PTPRN2: variants seen among roughly 807,000 people sequenced by gnomAD.
The protein encoded by PTPRN2 is receptor-type tyrosine-protein phosphatase N2.
In PTPRN2, 74 loss-of-function variants were observed where a neutral mutation model predicts 118.8. The observed-to-expected ratio is 0.62, with a 90% CI of 0.52 to 0.76. The LOEUF (loss-of-function observed/expected upper bound fraction) is 0.76, where lower values mean the gene tolerates loss of function less well. PTPRN2 is among the 30% of genes least tolerant of loss of function. The probability of loss-of-function intolerance (pLI) is 0.00; values close to 1 mark genes in which losing one functional copy is unlikely to be tolerated. For missense variants in PTPRN2, 1,481 were observed against 1,394.4 expected, an observed-to-expected ratio of 1.06 and a Z score of -0.99; for synonymous variants, 641 against 608.0, an observed-to-expected ratio of 1.05 and a Z score of -0.80.
chr7:158,286,664 C>T (rs1280432458), intron 3 of PTPRN2, among the ~76,000 whole-genome samples: 1 of 152,156 alleles, frequency 6.6e-6, no homozygotes, highest in Non-Finnish European at 1.5e-5. Flanking sequence ...AATAGAGTTG[C>T]ATATATTGAA....
At chr7:157,847,348 T>A (rs1439619443) in intron 12 of PTPRN2, among the ~76,000 whole-genome samples, 1 of 129,052 alleles carries the variant, frequency 7.7e-6, no homozygotes, top group Non-Finnish European at 1.6e-5. Context: ...TCATTACATC[T>A]TCTGTGCCCG....
At chr7:157,652,879 C>T (rs112104067) in intron 14 of PTPRN2, among the ~76,000 whole-genome samples, 245 of 152,338 alleles carry the variant, frequency 1.6e-3, no homozygotes, top group East Asian at 5.4e-3. Flanking sequence ...TCTGTTACTC[C>T]GGGTCTCCAG....
At chr7:157,800,634 G>T (rs548122518) in intron 12 of PTPRN2, among the ~76,000 whole-genome samples, 1 of 151,548 alleles carries the variant, frequency 6.6e-6, no homozygotes, top group Admixed American at 6.6e-5. Context: ...AAAGAAAGAG[G>T]TTCTTTGCTT....
chr7:158,403,936 T>G (rs982992300), intron 2 of PTPRN2, among the ~76,000 whole-genome samples: 5 of 152,184 alleles, frequency 3.3e-5, no homozygotes, highest in African/African-American at 1.2e-4. Context: ...AGGGTAAAAG[T>G]CACAAGAAAC....
chr7:158,167,188 G>A lies in PTPRN2; in HGVS notation c.653C>T (p.Pro218Leu), dbSNP rs762611730. 1.9e-5 allele frequency: 30 copies of A among 1,613,694 alleles called. No individual in the cohort carries two copies. The highest frequency in any genetic ancestry group is 6.7e-5 in the African/African-American group (5 of 74,912). ...TGGCTGGAGCTGGCCGAGGGTCCGCGGCAGGAGGTCCTCGCGGAGCTGGGT... is the reference window on the plus strand; with the variant it reads ...TGGCTGGAGCTGGCCGAGGGTCCGCAGCAGGAGGTCCTCGCGGAGCTGGGT... ...SRTQLREDLL[P>L]RTLGQLQPDE... The change falls in exon 6 of 23, where the codon CCG (proline) becomes CTG (leucine). Residue 218 changes from proline (P) to leucine (L), a missense_variant. Around this residue, in one of 3 missense-constraint regions of PTPRN2, gnomAD observed 1,115 missense variants for 994.2 expected, o/e 1.12. Coordinates refer to ENST00000389418, the MANE Select transcript of PTPRN2 (RefSeq NM_002847.5).
chr7:157,626,206 C>G (rs1417432553), intron 14 of PTPRN2, among the ~76,000 whole-genome samples: 1 of 152,176 alleles, frequency 6.6e-6, no homozygotes, highest in African/African-American at 2.4e-5. Flanking sequence ...ATCTTCTTAC[C>G]ATCGCTTCCC....
At chr7:158,077,543 A>G (rs1812467672) in intron 11 of PTPRN2, among the ~76,000 whole-genome samples, 2 of 26,544 alleles carry the variant, frequency 7.5e-5, no homozygotes, top group African/African-American at 2.3e-4. Flanking sequence ...GGGTCAGCAC[A>G]GGAGCCCCCT....
chr7:158,197,988 T>C (rs1826342850), intron 4 of PTPRN2, among the ~76,000 whole-genome samples: 1 of 152,232 alleles, frequency 6.6e-6, no homozygotes, highest in Non-Finnish European at 1.5e-5. Flanking sequence ...ACCAAGGCTT[T>C]TGCAGTTCTT....
chr7:158,390,524 C>T (rs957523318), intron 2 of PTPRN2, among the ~76,000 whole-genome samples: 3 of 152,190 alleles, frequency 2.0e-5, no homozygotes, highest in South Asian at 4.1e-4. Context: ...TCTCCAGCCT[C>T]GCAGTAGGAC....
chr7:158,249,951 A>G (rs1005103916), intron 3 of PTPRN2, among the ~76,000 whole-genome samples: 2 of 152,110 alleles, frequency 1.3e-5, no homozygotes, highest in African/African-American at 4.8e-5. Context: ...AAGTGAGAGA[A>G]CACGTGTTGG....
At chr7:157,652,140 A>G (rs1805704568) in intron 14 of PTPRN2, among the ~76,000 whole-genome samples, 1 of 152,256 alleles carries the variant, frequency 6.6e-6, no homozygotes, top group Admixed American at 6.5e-5. Flanking sequence ...GCAAAGCAAC[A>G]CAAAAACCAG....
chr7:157,749,723 A>G (rs879419553), intron 12 of PTPRN2, among the ~76,000 whole-genome samples: 7,185 of 30,598 alleles, frequency 0.23, no homozygotes, highest in Middle Eastern at 0.35. Context: ...CTGAGCTGTG[A>G]GCTGCCCGGG....
At chr7:158,379,601 A>T (rs555370405) in intron 2 of PTPRN2, among the ~76,000 whole-genome samples, 1 of 151,854 alleles carries the variant, frequency 6.6e-6, no homozygotes, top group South Asian at 2.1e-4. Flanking sequence ...TAGCACAGAC[A>T]AAGATGGAGA....
intron 5 of PTPRN2, among the ~76,000 whole-genome samples, chr7:158,169,912 G>A (rs572597343): frequency 1.7e-4 from 26 of 150,284 alleles, no homozygotes; most frequent in Admixed American, 9.3e-4. Context: ...GGCTGGTCTC[G>A]AACTCCTGAC....
chr7:158,192,590 G>A, intron 4 of PTPRN2, 95 bp from the exon 5 acceptor site: 1 of 1,393,638 alleles, frequency 7.2e-7, no homozygotes, highest in Non-Finnish European at 9.6e-7. Context: ...GCAAGGGGCT[G>A]GGAGCCGGGC....
chr7:158,454,589 A>G (rs555465111), intron 2 of PTPRN2, among the ~76,000 whole-genome samples: 1 of 151,990 alleles, frequency 6.6e-6, no homozygotes, highest in Admixed American at 6.5e-5. Context: ...GACGGTTGCT[A>G]CAGAGGACAG....
intron 11 of PTPRN2, among the ~76,000 whole-genome samples, chr7:157,970,825 T>C: frequency 6.6e-6 from 1 of 152,040 alleles, no homozygotes; most frequent in East Asian, 1.9e-4. Context: ...AATTCTAAGC[T>C]CATTCTTCAG....
At chr7:158,182,695 TACC>T (rs1824815106) in intron 5 of PTPRN2, among the ~76,000 whole-genome samples, 1 of 152,250 alleles carries the variant, frequency 6.6e-6, no homozygotes, top group South Asian at 2.1e-4. Context: ...GGTGTATATG[TACC>T]ACATTTTCTT....
chr7:158,028,014 T>C (rs1043524530), intron 11 of PTPRN2: 1 of 152,220 alleles, frequency 6.6e-6, no homozygotes, highest in Non-Finnish European at 1.5e-5. Flanking sequence ...TTTACATACA[T>C]TTTAGACATG....
Sources: allele counts gnomAD v4.1 joint callset (sites outside exome capture counted in the v4.1 genomes callset), GRCh38; gene constraint gnomAD v4.1.1; regional missense constraint gnomAD v4.1.1; transcripts MANE v1.5; gene names NCBI Gene and HGNC (gene_info 2026-07-23, HGNC 2026-07-21).